TCF4: variants seen among roughly 807,000 people sequenced by gnomAD.
The protein encoded by TCF4 is SL3-3 enhancer factor 2.
In TCF4, 3 loss-of-function variants were observed where a neutral mutation model predicts 82.1. The ratio of observed to expected loss-of-function variants is 0.04; its 90% CI spans 0.02 to 0.09. TCF4 has a LOEUF of 0.09. Ranked by LOEUF, TCF4 falls within the 10% of genes least tolerant of loss-of-function variation. The probability of loss-of-function intolerance (pLI) is 1.00; values close to 1 mark genes in which losing one functional copy is unlikely to be tolerated. For missense variants in TCF4, 518 were observed against 852.7 expected, an observed-to-expected ratio of 0.61 and a Z score of 4.89; for synonymous variants, 276 against 309.6, an observed-to-expected ratio of 0.89 and a Z score of 1.14.
chr18:55,439,346 C>T (rs1001996574), intron 5 of TCF4, among the ~76,000 whole-genome samples: 1 of 152,170 alleles, frequency 6.6e-6, no homozygotes, highest in Non-Finnish European at 1.5e-5. Context: ...GAGCCAGCAA[C>T]AAAGGAGGCT....
chr18:55,270,560 G>A (rs1176169500), intron 10 of TCF4, among the ~76,000 whole-genome samples: 1 of 152,072 alleles, frequency 6.6e-6, no homozygotes, highest in African/African-American at 2.4e-5. Context: ...TGACTATACT[G>A]AATTAAATTA....
intron 2 of TCF4, among the ~76,000 whole-genome samples, chr18:55,595,553 C>A (rs1007382461): frequency 6.6e-6 from 1 of 152,030 alleles, no homozygotes; most frequent in Non-Finnish European, 1.5e-5. Context: ...GATAATAAAC[C>A]TTCCTTACTA....
intron 8 of TCF4, among the ~76,000 whole-genome samples, chr18:55,331,887 G>C (rs760581728): frequency 2.6e-5 from 4 of 152,110 alleles, no homozygotes; most frequent in African/African-American, 9.7e-5. Context: ...ACAATTCACA[G>C]AAGAAGGGGG....
intron 3 of TCF4, among the ~76,000 whole-genome samples, chr18:55,471,458 T>G (rs1228678598): frequency 6.6e-6 from 1 of 152,184 alleles, no homozygotes; most frequent in African/African-American, 2.4e-5. Flanking sequence ...CCCAGCACTT[T>G]GGGAAGCCGA....
intron 6 of TCF4, among the ~76,000 whole-genome samples, chr18:55,363,301 T>A (rs1345836452): frequency 6.6e-6 from 1 of 152,114 alleles, no homozygotes. Context: ...ATTCAATAAA[T>A]GGTAACTAAA....
At chr18:55,288,929 G>A (rs2064350709) in intron 8 of TCF4, among the ~76,000 whole-genome samples, 1 of 152,212 alleles carries the variant, frequency 6.6e-6, no homozygotes, top group African/African-American at 2.4e-5. Flanking sequence ...AAAGCCAAGT[G>A]TAAATACAGT....
chr18:55,381,098 T>C (rs1487276806), intron 6 of TCF4, among the ~76,000 whole-genome samples: 2 of 152,212 alleles, frequency 1.3e-5, no homozygotes, highest in African/African-American at 2.4e-5. Flanking sequence ...AAGATTCAAC[T>C]CTCTTCTCAC....
chr18:55,256,559 C>T (rs1184780096), intron 14 of TCF4, among the ~76,000 whole-genome samples: 3 of 152,066 alleles, frequency 2.0e-5, no homozygotes, highest in Non-Finnish European at 4.4e-5. Flanking sequence ...GAATATAAGA[C>T]AACACTAAAG....
At chr18:55,606,829 A>C (rs2097702606) in intron 2 of TCF4, among the ~76,000 whole-genome samples, 1 of 152,152 alleles carries the variant, frequency 6.6e-6, no homozygotes, top group South Asian at 2.1e-4. Context: ...ATATTAAATT[A>C]ATTCATAATA....
intron 5 of TCF4, 91 bp from the exon 6 acceptor site, chr18:55,403,609 A>G: frequency 1.1e-5 from 18 of 1,612,290 alleles, no homozygotes; most frequent in Non-Finnish European, 1.5e-5. Flanking sequence ...CTCTTCCCCG[A>G]TGTTTACATA....
chr18:55,279,749 C>T lies in TCF4; in HGVS notation c.550-93G>A, dbSNP rs778838059. The T allele has an allele frequency of 3.1e-5, 49 of 1,567,256 alleles. 1 individual carries two copies. The highest frequency in any genetic ancestry group is 4.1e-5 in the Non-Finnish European group (47 of 1,150,384). On this transcript the variant is annotated intron_variant, in intron 8 of 19. Coordinates refer to ENST00000354452, the MANE Select transcript of TCF4 (RefSeq NM_001083962.2). ...TATAAGAAGTAGGCAGAAAGTGCTACATTTCTACCCTTTCCAGTTTAAATC... is the reference window on the plus strand; with the variant it reads ...TATAAGAAGTAGGCAGAAAGTGCTATATTTCTACCCTTTCCAGTTTAAATC...
At chr18:55,401,010 C>T (rs767519211) in intron 6 of TCF4, 3 of 1,289,130 alleles carry the variant, frequency 2.3e-6, no homozygotes, top group Non-Finnish European at 2.0e-6. Flanking sequence ...CCTTGTCACA[C>T]AGTGGGGAAT....
intron 6 of TCF4, among the ~76,000 whole-genome samples, chr18:55,362,641 AG>A (rs2085774951): frequency 6.6e-6 from 1 of 152,224 alleles, no homozygotes; most frequent in Non-Finnish European, 1.5e-5. Flanking sequence ...AATGCTTATG[AG>A]AAAGATGCTG....
intron 6 of TCF4, among the ~76,000 whole-genome samples, chr18:55,354,231 C>T (rs2082943464): frequency 2.0e-5 from 3 of 152,172 alleles, no homozygotes; most frequent in African/African-American, 7.2e-5. Context: ...TTTTGGGGTT[C>T]ACCCTCTGCA....
intron 8 of TCF4, among the ~76,000 whole-genome samples, chr18:55,320,646 T>C (rs1431847762): frequency 2.0e-5 from 3 of 152,246 alleles, no homozygotes; most frequent in African/African-American, 7.2e-5. Flanking sequence ...CTGAAAGCTC[T>C]GATCTGTCCC....
intron 15 of TCF4, among the ~76,000 whole-genome samples, chr18:55,252,888 G>A (rs886282519): frequency 3.3e-5 from 5 of 152,032 alleles, no homozygotes; most frequent in South Asian, 2.1e-4. Flanking sequence ...CTGTACAAAC[G>A]AAAATCTCAT....
chr18:55,277,822 C>T lies in TCF4; in HGVS notation c.655+1729G>A, dbSNP rs145225124. On this transcript the variant is annotated intron_variant, in intron 9 of 19. Coordinates refer to ENST00000354452, the MANE Select transcript of TCF4 (RefSeq NM_001083962.2). ...TCGAAATCTGTTTTGAGTGATGGAT[C>T]CTTGAGTTGCCAATCTCTGTAAGCT... Among the ~76,000 whole-genome samples the T allele has an allele frequency of 2.3e-3, 354 of 152,242 alleles. 2 individuals carry two copies. The highest frequency in any genetic ancestry group is 7.9e-3 in the African/African-American group (328 of 41,546).
intron 3 of TCF4, among the ~76,000 whole-genome samples, chr18:55,548,286 T>C (rs2097223761): frequency 6.6e-6 from 1 of 152,226 alleles, no homozygotes; most frequent in Non-Finnish European, 1.5e-5. Flanking sequence ...GGTGGTAATC[T>C]CCTAGCTGTG....
chr18:55,285,674 G>A (rs1381380986), intron 8 of TCF4, among the ~76,000 whole-genome samples: 1 of 152,188 alleles, frequency 6.6e-6, no homozygotes, highest in Non-Finnish European at 1.5e-5. Flanking sequence ...AGGTCTACCG[G>A]GGAGTCCCAG....
Sources: gnomAD v4.1 joint callset for allele counts (sites outside exome capture counted in the v4.1 genomes callset) on GRCh38, gnomAD v4.1.1 for gene constraint, MANE v1.5 for transcripts, NCBI Gene and HGNC (gene_info 2026-07-23, HGNC 2026-07-21) for gene names.